MGAT5: variants seen among roughly 807,000 people sequenced by gnomAD.
The protein encoded by MGAT5 is alpha-1,6-mannosylglycoprotein 6-beta-N-acetylglucosaminyltransferase A.
MGAT5 carries 30 observed loss-of-function variants against 94.3 expected under a neutral mutation model. That is an observed-to-expected ratio of 0.32 (90% CI 0.24 to 0.43). MGAT5 has a LOEUF of 0.43. MGAT5 is among the 20% of genes least tolerant of loss of function. The pLI is 1.00. For synonymous variants in MGAT5, 310 were observed against 322.9 expected, an observed-to-expected ratio of 0.96 and a Z score of 0.43; for missense variants, 691 against 905.5, an observed-to-expected ratio of 0.76 and a Z score of 3.04.
intron 1 of MGAT5, among the ~76,000 whole-genome samples, chr2:134,133,775 G>C (rs1014634691): frequency 1.3e-5 from 2 of 152,184 alleles, no homozygotes; most frequent in Non-Finnish European, 2.9e-5. Flanking sequence ...AAAGGGGCAG[G>C]CTTGGCGGTT....
At chr2:134,237,886 G>A (rs1681745995) in intron 1 of MGAT5, among the ~76,000 whole-genome samples, 1 of 151,414 alleles carries the variant, frequency 6.6e-6, no homozygotes, top group Non-Finnish European at 1.5e-5. Flanking sequence ...GAGTAGCTGG[G>A]ATTACAGACG....
At chr2:134,287,797 C>T (rs527794197) in intron 2 of MGAT5, among the ~76,000 whole-genome samples, 4 of 152,274 alleles carry the variant, frequency 2.6e-5, no homozygotes, top group African/African-American at 9.6e-5. Context: ...CTATTTATAA[C>T]TGGAAGGCTC....
At chr2:134,219,742 G>A (rs952427480) in intron 1 of MGAT5, among the ~76,000 whole-genome samples, 2 of 152,096 alleles carry the variant, frequency 1.3e-5, no homozygotes, top group African/African-American at 4.8e-5. Context: ...AAAAAATTAC[G>A]GAATCACAAA....
chr2:134,397,621 C>A (rs1030264914), intron 10 of MGAT5, among the ~76,000 whole-genome samples: 1 of 152,124 alleles, frequency 6.6e-6, no homozygotes, highest in Non-Finnish European at 1.5e-5. Flanking sequence ...GAAGGAGGAC[C>A]CCATCACCCC....
At chr2:134,177,592 C>G (rs1376868222) in intron 1 of MGAT5, among the ~76,000 whole-genome samples, 1 of 152,336 alleles carries the variant, frequency 6.6e-6, no homozygotes, top group African/African-American at 2.4e-5. Context: ...ATTCACTGAT[C>G]AGAATCTTAC....
intron 1 of MGAT5, among the ~76,000 whole-genome samples, chr2:134,151,680 A>G (rs1183329447): frequency 1.9e-4 from 15 of 80,946 alleles, no homozygotes; most frequent in South Asian, 4.6e-4. Flanking sequence ...TGTGGGACCC[A>G]CTCACTGCCA....
At chr2:134,297,267 T>C (rs1685733749) in intron 2 of MGAT5, among the ~76,000 whole-genome samples, 1 of 151,966 alleles carries the variant, frequency 6.6e-6, no homozygotes, top group South Asian at 2.1e-4. Context: ...ATTAGAACTT[T>C]TCCTACAAAG....
chr2:134,187,730 C>T (rs551799216), intron 1 of MGAT5, among the ~76,000 whole-genome samples: 2 of 152,184 alleles, frequency 1.3e-5, no homozygotes, highest in East Asian at 1.9e-4. Context: ...AAATATTGAT[C>T]GGATAAGTGA....
At chr2:134,370,728 A>G (rs775838237) in intron 10 of MGAT5, among the ~76,000 whole-genome samples, 7 of 152,264 alleles carry the variant, frequency 4.6e-5, no homozygotes, top group Non-Finnish European at 1.0e-4. Flanking sequence ...CTCTAAATTC[A>G]AGGATAAGAT....
At chr2:134,257,344 C>G in intron 1 of MGAT5, among the ~76,000 whole-genome samples, 1 of 152,104 alleles carries the variant, frequency 6.6e-6, no homozygotes, top group East Asian at 1.9e-4. Context: ...GCCTCAGCCT[C>G]CAGAGTAGCT....
chr2:134,180,315 AT>A (rs1015013360), intron 1 of MGAT5, among the ~76,000 whole-genome samples: 50 of 152,198 alleles, frequency 3.3e-4, no homozygotes, highest in African/African-American at 1.2e-3. Flanking sequence ...TGGGGTCTGT[AT>A]TGGGACCTCT....
intron 9 of MGAT5, among the ~76,000 whole-genome samples, chr2:134,355,359 A>G (rs1196659722): frequency 1.3e-5 from 2 of 151,528 alleles, no homozygotes; most frequent in African/African-American, 4.9e-5. Flanking sequence ...TTCCTTCAAG[A>G]CTCTACTCAG....
At chr2:134,334,888 G>A (rs1688243257) in intron 4 of MGAT5, among the ~76,000 whole-genome samples, 1 of 151,980 alleles carries the variant, frequency 6.6e-6, no homozygotes, top group South Asian at 2.1e-4. Flanking sequence ...TTTCCTTGTG[G>A]GGAATCCTTT....
At chr2:134,376,396 A>G (rs1050280715) in intron 10 of MGAT5, among the ~76,000 whole-genome samples, 5 of 151,942 alleles carry the variant, frequency 3.3e-5, no homozygotes, top group African/African-American at 1.2e-4. Context: ...GATACACACA[A>G]TTTGTCCTAA....
At chr2:134,281,093 T>C (rs1285342437) in intron 2 of MGAT5, among the ~76,000 whole-genome samples, 2 of 152,206 alleles carry the variant, frequency 1.3e-5, no homozygotes, top group Admixed American at 1.3e-4. Flanking sequence ...AGCATTTTAT[T>C]ATACTTAACC....
At chr2:134,352,439 C>T (rs1679444711) in intron 9 of MGAT5, among the ~76,000 whole-genome samples, 1 of 152,078 alleles carries the variant, frequency 6.6e-6, no homozygotes, top group Non-Finnish European at 1.5e-5. Flanking sequence ...TAAGAGCCAA[C>T]GTGCAGGACA....
At chr2:134,295,818 C>T (rs934140013) in intron 2 of MGAT5, among the ~76,000 whole-genome samples, 16 of 152,174 alleles carry the variant, frequency 1.1e-4, no homozygotes, top group Admixed American at 3.9e-4. Flanking sequence ...ATAACAGATA[C>T]TCCCCTGTCT....
intron 10 of MGAT5, among the ~76,000 whole-genome samples, chr2:134,392,964 C>T (rs757446289): frequency 5.9e-5 from 9 of 152,178 alleles, no homozygotes; most frequent in Admixed American, 3.3e-4. Context: ...TCCATGGTGT[C>T]CCCAATCTCA....
At chr2:134,149,496 G>A (rs1054943662) in intron 1 of MGAT5, among the ~76,000 whole-genome samples, 5 of 152,122 alleles carry the variant, frequency 3.3e-5, no homozygotes, top group African/African-American at 9.7e-5. Flanking sequence ...GGATTGCCAC[G>A]GTTATCTGGT....
Sources: gnomAD v4.1 joint callset for allele counts (sites outside exome capture counted in the v4.1 genomes callset) on GRCh38, gnomAD v4.1.1 for gene constraint, MANE v1.5 for transcripts, NCBI Gene and HGNC (gene_info 2026-07-23, HGNC 2026-07-21) for gene names.